DNAAF3: variants seen among roughly 807,000 people sequenced by gnomAD.
DNAAF3 encodes dynein axonemal assembly factor 3, also known as UPF0470 protein C19orf51.
DNAAF3 carries 40 observed loss-of-function variants against 50.9 expected under a neutral mutation model. That is an observed-to-expected ratio of 0.79 (90% confidence interval 0.61 to 1.02). DNAAF3 has a LOEUF of 1.02. Ranked by LOEUF, DNAAF3 falls within the 50% of genes least tolerant of loss-of-function variation. The probability of loss-of-function intolerance (pLI) is 0.00; values close to 1 mark genes in which losing one functional copy is unlikely to be tolerated. For missense variants in DNAAF3, 763 were observed against 744.7 expected (o/e 1.02, Z -0.29); for synonymous variants, 327 against 322.8 (o/e 1.01, Z -0.14).
chr19:55,161,425 T>TG lies in DNAAF3; in HGVS notation c.664-8dup. On this transcript the variant is annotated splice_region_variant and splice_polypyrimidine_tract_variant and intron_variant, in intron 6 of 11. Transcript: ENST00000524407. The surrounding 1 kb of genome is among the most constrained non-coding windows in gnomAD (Gnocchi z 6.4). ...GGGGGTGAATGACTTGAGCCTGGGG[T>TG]GGGGGGCGGGAAGAAGGGAGCCCTC... is the stretch of plus-strand genomic sequence containing the variant. 2.2e-6 allele frequency: 1 copy of TG among 457,834 alleles called. No individual in the cohort carries two copies. Among genetic ancestry groups the TG allele is most frequent in the South Asian group, 2.2e-5 (1 of 44,876 alleles). The allele number at this position is 457,834 out of a possible 1,614,324, so 28.4% of individuals were successfully genotyped here.
At position 55,166,295 on chromosome 19, in the gene DNAAF3, G is replaced by A. The variant is rs2147311416; in HGVS notation, c.85+34C>T. ...GCCGTCTGCTCAGGCTGGGAAGGCA[G>A]ACGGTGTATCAGACCTTGCGTGCTG... On this transcript the variant is annotated intron_variant, in intron 2 of 11. Coordinates refer to ENST00000524407, the MANE Select transcript of DNAAF3 (RefSeq NM_001256715.2). The surrounding 1 kb of genome is among the most constrained non-coding windows in gnomAD (Gnocchi z 4.0). The A allele has an allele frequency of 6.2e-7, 1 of 1,607,636 alleles. No homozygotes were observed.
intron 4 of DNAAF3, among the ~76,000 whole-genome samples, chr19:55,164,201 C>T (rs1433224466): frequency 6.6e-6 from 1 of 152,136 alleles, no homozygotes; most frequent in African/African-American, 2.4e-5. Flanking sequence ...TTTCTTGGGG[C>T]CGGGTGTGAT....
In DNAAF3 at chr19:55,159,979, G is replaced by C; in HGVS notation, c.1083C>G (p.Phe361Leu). ...APTPESFTVHFLPLNSAQTLH... is the reference protein window; with the variant it reads ...APTPESFTVHLLPLNSAQTLH... ...GAGTCTGAGCAGAATTGAGCGGCAG[G>C]AAGTGGACGGTGAAAGATTCCGGGG... The change falls in exon 10 of 12, where the codon TTC becomes TTG. Residue 361 changes from phenylalanine (F) to leucine (L), a missense_variant. By Grantham distance (22) the Phe-to-Leu change is conservative. Coordinates refer to ENST00000524407, the MANE Select transcript of DNAAF3 (RefSeq NM_001256715.2). 3 of 1,606,036 alleles carry C rather than the reference G, an allele frequency of 1.9e-6. No homozygotes were observed. Among genetic ancestry groups the C allele is most frequent in the Non-Finnish European group, 2.6e-6 (3 of 1,175,596 alleles).
In DNAAF3 at chr19:55,159,172, G is replaced by A. The variant is rs2085770745; in HGVS notation, c.1516C>T (p.Pro506Ser). ...GGAGACTCAGAGGGCAGCTGGCAGG[G>A]CTCACAGTGTGGGGTCCCACCCTGC... Reference protein sequence around the residue: ...PLQGGTPHCEPCQLPSESPGS... With the variant: ...PLQGGTPHCESCQLPSESPGS... Residue 506 changes from proline (P) to serine (S), a missense_variant, in exon 12 of 12, where the codon CCC becomes TCC. Physicochemically the swap from Pro to Ser is moderately conservative, Grantham distance 74 (BLOSUM62 -1). Transcript: ENST00000524407. 1.2e-6 allele frequency: 2 copies of A among 1,613,760 alleles called. No individual in the cohort carries two copies. Among genetic ancestry groups the A allele is most frequent in the Admixed American group, 3.3e-5 (2 of 59,998 alleles).
chr19:55,158,879 T>C lies in DNAAF3; in HGVS notation c.*183A>G. 4 of 644,936 alleles carry C rather than the reference T, an allele frequency of 6.2e-6. No individual in the cohort carries two copies. In the South Asian group the frequency reaches 7.5e-5, roughly 12 times the overall value. The allele number at this position is 644,936 out of a possible 1,614,324, so 40.0% of individuals were successfully genotyped here. The stretch of plus-strand genomic sequence containing the variant: ...AATCTAGAATTCTAGGAATAGACCA[T>C]AGAATCTCAGAAATGGAATTTGAAA... On this transcript the variant is annotated 3_prime_UTR_variant, in exon 12 of 12. Coordinates refer to ENST00000524407, the MANE Select transcript of DNAAF3 (RefSeq NM_001256715.2).
rs2085924728 is a variant in DNAAF3 at position 55,165,602 on chromosome 19, C to T, written c.229-139G>A. Reference sequence around the variant, plus strand: ...AGCCTCTTCCTTCAAACACAGAAGTCTGTGTCCCCAGAGCTCTCTTCCCTT... The same window carrying T: ...AGCCTCTTCCTTCAAACACAGAAGTTTGTGTCCCCAGAGCTCTCTTCCCTT... On this transcript the variant is annotated intron_variant, in intron 3 of 11. Coordinates refer to ENST00000524407, the MANE Select transcript of DNAAF3 (RefSeq NM_001256715.2). The T allele has an allele frequency of 5.1e-6, 5 of 978,120 alleles. No individual in the cohort carries two copies. In the Admixed American group the frequency reaches 9.7e-5, roughly 19 times the overall value. The allele number at this position is 978,120 out of a possible 1,614,324, so 60.6% of individuals were successfully genotyped here.
chr19:55,159,507 C>A (rs748755474), intron 11 of DNAAF3, 26 bp downstream of exon 11: 1 of 1,597,946 alleles, frequency 6.3e-7, no homozygotes, highest in Non-Finnish European at 8.5e-7. Flanking sequence ...CCAGGATGTT[C>A]CCCACCCTCC....
In DNAAF3 at chr19:55,159,238, C is replaced by T; in HGVS notation, c.1450G>A (p.Glu484Lys). The change falls in exon 12 of 12, where the codon GAA (glutamate) becomes AAA (lysine). Residue 484 changes from glutamate (E) to lysine (K), a missense_variant. Transcript: ENST00000524407. The stretch of plus-strand genomic sequence containing the variant: ...CCCTCAAGGGCTGGGTTGCTGGCTT[C>T]AAGAGGCTGGGCCAGGATGTCAAGG... ...PPLDILAQPL[E>K]ASNPALEGLT... The T allele has an allele frequency of 6.2e-7, 1 of 1,613,962 alleles. No homozygotes were observed. The highest frequency in any genetic ancestry group is 8.5e-7 in the Non-Finnish European group (1 of 1,180,018).
rs2085936135 is a variant in DNAAF3 at position 55,166,210 on chromosome 19, A to T, written c.85+119T>A. The T allele has an allele frequency of 6.5e-7, 1 of 1,547,694 alleles. No homozygotes were observed. The highest frequency in any genetic ancestry group is 8.7e-7 in the Non-Finnish European group (1 of 1,146,372). On this transcript the variant is annotated intron_variant, in intron 2 of 11. Coordinates refer to ENST00000524407, the MANE Select transcript of DNAAF3 (RefSeq NM_001256715.2). The surrounding 1 kb of genome is among the most constrained non-coding windows in gnomAD (Gnocchi z 4.0). Reference sequence around the variant, plus strand: ...CTGGGAGCGCGCCCTCTGCCGCTGGAGCGTTGGAGAACGTTAGCGCCCCCC... The same window carrying T: ...CTGGGAGCGCGCCCTCTGCCGCTGGTGCGTTGGAGAACGTTAGCGCCCCCC...
Position 55,161,571 on chromosome 19 carries a change from C to G in DNAAF3, c.663+72G>C. 1 of 1,471,206 alleles carries G rather than the reference C, an allele frequency of 6.8e-7. No homozygotes were observed. Among genetic ancestry groups the G allele is most frequent in the Non-Finnish European group, 9.0e-7 (1 of 1,109,574 alleles). The allele number at this position is 1,471,206 out of a possible 1,614,324, so 91.1% of individuals were successfully genotyped here. ...CCCCCAAACCCTCCTCCCTCAGACTCAGGAGGCCCCCAGCCCCTCCTCCCT... is the reference window on the plus strand; with the variant it reads ...CCCCCAAACCCTCCTCCCTCAGACTGAGGAGGCCCCCAGCCCCTCCTCCCT... On this transcript the variant is annotated intron_variant, in intron 6 of 11. Transcript: ENST00000524407. This position sits in a 1 kb window ranked among gnomAD's most constrained non-coding sequence, Gnocchi z 6.4.
rs778741276 is a variant in DNAAF3 at position 55,159,525 on chromosome 19, T to G, written c.1238+8A>C. The stretch of plus-strand genomic sequence containing the variant: ...GGATGTTCCCCACCCTCCACCCCAC[T>G]GACTCACCGGGCTAATTCCACAATC... On this transcript the variant is annotated splice_region_variant and intron_variant, in intron 11 of 11. Transcript: ENST00000524407. 1.3e-6 allele frequency: 2 copies of G among 1,596,786 alleles called. No individual in the cohort carries two copies. The highest frequency in any genetic ancestry group is 1.7e-6 in the Non-Finnish European group (2 of 1,170,352).
Position 55,159,611 on chromosome 19 carries a change from CAG to C in DNAAF3, c.1164-6_1164-5del. On this transcript the variant is annotated splice_region_variant and splice_polypyrimidine_tract_variant and intron_variant, in intron 10 of 11. Transcript: ENST00000524407. ...AGGGATGAGAAGATGGACCATACTGCAGAGAGGACGGAGGACAGGCTGAGATT... is the reference window on the plus strand; with the variant it reads ...AGGGATGAGAAGATGGACCATACTGCAGAGGACGGAGGACAGGCTGAGATT... The C allele has an allele frequency of 6.2e-7, 1 of 1,612,558 alleles. No homozygotes were observed. The highest frequency in any genetic ancestry group is 8.5e-7 in the Non-Finnish European group (1 of 1,179,386).
chr19:55,165,064 C>T (rs2085914649), intron 4 of DNAAF3, among the ~76,000 whole-genome samples: 1 of 112,444 alleles, frequency 8.9e-6, no homozygotes, highest in Admixed American at 1.3e-4. Context: ...GAGTCTCGCT[C>T]TGTCACCCTG....
upstream of DNAAF3, chr19:55,166,710 AC>A: frequency 7.1e-6 from 11 of 1,557,576 alleles, no homozygotes; most frequent in Non-Finnish European, 9.6e-6. This position sits in a 1 kb window ranked among gnomAD's most constrained non-coding sequence, Gnocchi z 4.0. Context: ...CCCTCTACAA[AC>A]TTTTGGCCAA....
At position 55,165,967 on chromosome 19, in the gene DNAAF3, G is replaced by T. The variant is rs1411405445; in HGVS notation, c.119C>A (p.Thr40Lys). ...PPVDPDSQAD[T>K]VHSNPELDVL... ...ATCTAGCTCGGGGTTGCTGTGCACT[G>T]TATCGGCCTGGGAGTCTGGGTCCAC... is the stretch of plus-strand genomic sequence containing the variant. Residue 40 changes from threonine (T) to lysine (K), a missense_variant, in exon 3 of 12, where the codon ACA becomes AAA. Coordinates refer to ENST00000524407, the MANE Select transcript of DNAAF3 (RefSeq NM_001256715.2). 1 of 1,614,240 alleles carries T rather than the reference G, an allele frequency of 6.2e-7. No individual in the cohort carries two copies.
In DNAAF3 at chr19:55,158,724, A is replaced by G; in HGVS notation, c.*338T>C. Reference sequence around the variant, plus strand: ...GTGCTGACCAGGCCCTGGTGAGGAGACACCCCAGCCCCTAGTCAGCCACAG... The same window carrying G: ...GTGCTGACCAGGCCCTGGTGAGGAGGCACCCCAGCCCCTAGTCAGCCACAG... On this transcript the variant is annotated 3_prime_UTR_variant, in exon 12 of 12. Transcript: ENST00000524407. 4.4e-6 allele frequency: 1 copy of G among 227,816 alleles called. No individual in the cohort carries two copies. The highest frequency in any genetic ancestry group is 8.7e-6 in the Non-Finnish European group (1 of 115,358). 14.1% of individuals were successfully genotyped at this position (227,816 alleles called of 1,614,324 possible).
rs1467812205 is a variant in DNAAF3, at chr19:55,161,921, G to A, written c.481-96C>T. ...CCCTCTCTTCCATCCCAGAACAGGG[G>A]AACGATTCCCCCGTTTCTCGGATGG... On this transcript the variant is annotated intron_variant, in intron 5 of 11. Transcript: ENST00000524407. The surrounding 1 kb of genome is among the most constrained non-coding windows in gnomAD (Gnocchi z 6.4). 16 of 1,326,582 alleles carry A rather than the reference G, an allele frequency of 1.2e-5. No homozygotes were observed. In the African/African-American group the frequency reaches 1.2e-4, roughly 10 times the overall value. 82.2% of individuals were successfully genotyped at this position (1,326,582 alleles called of 1,614,324 possible). A position where few individuals can be genotyped will look rare whatever the true frequency, so the allele number is the denominator to read the frequency against.
At chr19:55,165,594 A>G (rs977864107) in intron 3 of DNAAF3, 131 bp from the exon 4 acceptor site, 2 of 999,274 alleles carry the variant, frequency 2.0e-6, no homozygotes, top group African/African-American at 1.6e-5. Flanking sequence ...TCCTTCAAAC[A>G]CAGAAGTCTG....
At position 55,160,205 on chromosome 19, in the gene DNAAF3, C is replaced by G. The variant is rs1568863210; in HGVS notation, c.1049-192G>C. Among the ~76,000 whole-genome samples, 1 of 152,216 alleles carries G rather than the reference C, an allele frequency of 6.6e-6. No homozygotes were observed. The highest frequency in any genetic ancestry group is 1.5e-5 in the Non-Finnish European group (1 of 68,042). ...GAAAGTTCTGGGAAGGTCAGCCTGG[C>G]AGGCAGAGACTCACTGTACAGATCA... On this transcript the variant is annotated intron_variant, in intron 9 of 11. Coordinates refer to ENST00000524407, the MANE Select transcript of DNAAF3 (RefSeq NM_001256715.2). The surrounding 1 kb of genome is among the most constrained non-coding windows in gnomAD (Gnocchi z 4.7).
Sources: allele counts gnomAD v4.1 joint callset (sites outside exome capture counted in the v4.1 genomes callset), GRCh38; gene constraint gnomAD v4.1.1; non-coding constraint Gnocchi (gnomAD v3.1); transcripts MANE v1.5; gene names NCBI Gene and HGNC (gene_info 2026-07-23, HGNC 2026-07-21).